Variants in TPRG1 observed in about 807,000 individuals in gnomAD.
The protein encoded by TPRG1 is tumor protein p63 regulated 1, also known as tumor protein p63-regulated gene 1 protein.
A neutral mutation model predicts 29.3 loss-of-function variants in TPRG1; 29 were observed. The ratio of observed to expected loss-of-function variants is 0.99; its 90% CI spans 0.74 to 1.35. The LOEUF is 1.35. Ranked by LOEUF, TPRG1 falls within the 40% of genes most tolerant of loss-of-function variation. The pLI, the probability that TPRG1 is intolerant of heterozygous loss-of-function variation, is 0.00. For missense variants in TPRG1, 327 were observed against 335.0 expected, an observed-to-expected ratio of 0.98 and a Z score of 0.19; for synonymous variants, 130 against 116.8, an observed-to-expected ratio of 1.11 and a Z score of -0.73.
chr3:189,086,031 A>T (rs1280195410), intron 4 of TPRG1, among the ~76,000 whole-genome samples: 4 of 152,192 alleles, frequency 2.6e-5, no homozygotes, highest in Non-Finnish European at 5.9e-5. Context: ...CTGCAAGCTG[A>T]GGAGCAACGA....
intron 4 of TPRG1, among the ~76,000 whole-genome samples, chr3:189,288,046 CAGTG>C (rs943561768): frequency 1.0e-4 from 15 of 150,522 alleles, no homozygotes; most frequent in South Asian, 4.2e-4. Flanking sequence ...ATGTCTGAGA[CAGTG>C]AGAGAGAAAA....
At chr3:189,208,099 G>A (rs1468150293) in intron 2 of TPRG1, among the ~76,000 whole-genome samples, 2 of 152,222 alleles carry the variant, frequency 1.3e-5, no homozygotes, top group Non-Finnish European at 2.9e-5. Flanking sequence ...CTGGAGCTGA[G>A]CTCTCTTACC....
intron 4 of TPRG1, among the ~76,000 whole-genome samples, chr3:189,253,223 G>A (rs1742561488): frequency 1.3e-5 from 2 of 152,034 alleles, no homozygotes; most frequent in South Asian, 2.1e-4. Flanking sequence ...TGGCCCTAGT[G>A]TGTGATGTTC....
At chr3:189,232,522 A>T (rs1738825762) in intron 3 of TPRG1, among the ~76,000 whole-genome samples, 1 of 152,190 alleles carries the variant, frequency 6.6e-6, no homozygotes, top group African/African-American at 2.4e-5. Flanking sequence ...AAGCCTCGTT[A>T]CACCACACTA....
intron 4 of TPRG1, among the ~76,000 whole-genome samples, chr3:189,307,380 A>G (rs1721800800): frequency 1.3e-5 from 2 of 152,140 alleles, no homozygotes; most frequent in African/African-American, 4.8e-5. Context: ...TCTCCTTCAC[A>G]TCCAGTGCTT....
At chr3:189,074,900 C>A (rs1243501582) in intron 4 of TPRG1, among the ~76,000 whole-genome samples, 1 of 151,796 alleles carries the variant, frequency 6.6e-6, no homozygotes, top group East Asian at 2.0e-4. Flanking sequence ...CAAGCTCCGC[C>A]TCCCGGGTTC....
chr3:189,247,631 G>C (rs1365909504), intron 4 of TPRG1, among the ~76,000 whole-genome samples: 1 of 151,826 alleles, frequency 6.6e-6, no homozygotes. Context: ...GGAAGAATGG[G>C]TTTTATTCAC....
intron 4 of TPRG1, among the ~76,000 whole-genome samples, chr3:189,029,366 T>C (rs997387881): frequency 6.6e-6 from 1 of 152,216 alleles, no homozygotes; most frequent in Non-Finnish European, 1.5e-5. Context: ...AGAATGTCGA[T>C]GTTATAAAAC....
chr3:189,036,852 G>A (rs1045717698), intron 4 of TPRG1, among the ~76,000 whole-genome samples: 2 of 151,594 alleles, frequency 1.3e-5, no homozygotes, highest in African/African-American at 4.8e-5. Context: ...TCTATAAACC[G>A]ATTAAATGAA....
chr3:189,215,534 C>A, intron 3 of TPRG1, 151 bp downstream of exon 3: 1 of 728,202 alleles, frequency 1.4e-6, no homozygotes, highest in Non-Finnish European at 2.3e-6. Context: ...CATTTTCCAG[C>A]ATTCCGTGGC....
chr3:189,009,952 T>C (rs1351742643), intron 3 of TPRG1, among the ~76,000 whole-genome samples: 1 of 152,010 alleles, frequency 6.6e-6, no homozygotes. Context: ...TCCCACCCCT[T>C]GCCCTCCCAC....
chr3:189,261,633 T>C (rs1222269800), intron 4 of TPRG1, among the ~76,000 whole-genome samples: 1 of 152,134 alleles, frequency 6.6e-6, no homozygotes. Context: ...CTCAATGCGA[T>C]GCAAACGTAT....
intron 1 of TPRG1, among the ~76,000 whole-genome samples, chr3:189,108,883 T>G (rs1157151064): frequency 1.3e-5 from 2 of 151,982 alleles, no homozygotes; most frequent in Non-Finnish European, 1.5e-5. Flanking sequence ...TTCCTAGCGG[T>G]GTTTCCATCT....
At chr3:189,124,556 G>GTGTA (rs1459383452) in intron 1 of TPRG1, among the ~76,000 whole-genome samples, 21 of 150,572 alleles carry the variant, frequency 1.4e-4, no homozygotes, top group African/African-American at 5.1e-4. Context: ...GTGTGTGTGT[G>GTGTA]TATATATATA....
chr3:189,152,932 G>A (rs1272153699), intron 5 of TPRG1, among the ~76,000 whole-genome samples: 2 of 151,998 alleles, frequency 1.3e-5, no homozygotes, highest in East Asian at 1.9e-4. Flanking sequence ...ATTGCTACCC[G>A]CCATTATTAT....
rs1250518234 is a variant in TPRG1 at position 189,321,130 on chromosome 3, G to A, written c.*310G>A. 2 of 193,226 alleles carry A rather than the reference G, an allele frequency of 1.0e-5. No individual in the cohort carries two copies. Among genetic ancestry groups the A allele is most frequent in the Non-Finnish European group, 2.0e-5 (2 of 98,060 alleles). The allele number at this position is 193,226 out of a possible 1,614,324, so 12.0% of individuals were successfully genotyped here. The stretch of plus-strand genomic sequence containing the variant: ...GAAGACTCTAAGTCCTGTTGCTTCA[G>A]CTCTCTAAATGTAGGCTTTTTTTTT... On this transcript the variant is annotated 3_prime_UTR_variant, in exon 6 of 6. Coordinates refer to ENST00000345063, the MANE Select transcript of TPRG1 (RefSeq NM_198485.4).
chr3:189,219,451 C>T (rs2108856811), intron 3 of TPRG1: 1 of 471,344 alleles, frequency 2.1e-6, no homozygotes, highest in South Asian at 2.3e-5. Context: ...TTATATACAT[C>T]TATAAAGACA....
intron 4 of TPRG1, among the ~76,000 whole-genome samples, chr3:189,245,325 T>C (rs1259914669): frequency 6.6e-6 from 1 of 152,170 alleles, no homozygotes; most frequent in Non-Finnish European, 1.5e-5. Context: ...TTTTAAACTT[T>C]CCTAATATGA....
intron 3 of TPRG1, among the ~76,000 whole-genome samples, chr3:189,224,025 C>T (rs1010838199): frequency 2.0e-5 from 3 of 152,104 alleles, no homozygotes; most frequent in African/African-American, 7.2e-5. Context: ...GTGAGAAAGA[C>T]AGACATGTAA....
Sources: gnomAD v4.1 joint callset for allele counts (sites outside exome capture counted in the v4.1 genomes callset) on GRCh38, gnomAD v4.1.1 for gene constraint, MANE v1.5 for transcripts, NCBI Gene and HGNC (gene_info 2026-07-23, HGNC 2026-07-21) for gene names.